RABGAP1L: variants seen among roughly 807,000 people sequenced by gnomAD.
The protein encoded by RABGAP1L is RAB GTPase activating protein 1 like.
In RABGAP1L, 63 loss-of-function variants were observed where a neutral mutation model predicts 137.7. The observed-to-expected ratio is 0.46, with a 90% CI of 0.37 to 0.56. The LOEUF is 0.56. RABGAP1L is among the 20% of genes least tolerant of loss of function. The pLI is 0.00. For missense variants in RABGAP1L, 1,095 were observed against 1,244.0 expected, an observed-to-expected ratio of 0.88 and a Z score of 1.80; for synonymous variants, 431 against 433.7, an observed-to-expected ratio of 0.99 and a Z score of 0.08.
At chr1:174,310,039 T>A (rs1202601791) in intron 11 of RABGAP1L, among the ~76,000 whole-genome samples, 1 of 152,142 alleles carries the variant, frequency 6.6e-6, no homozygotes, top group East Asian at 1.9e-4. Context: ...CCAGTGTTAT[T>A]ACTCATTATT....
At chr1:174,533,583 T>G (rs1024084272) in intron 13 of RABGAP1L, among the ~76,000 whole-genome samples, 6 of 152,222 alleles carry the variant, frequency 3.9e-5, no homozygotes, top group Non-Finnish European at 7.3e-5. Context: ...CTCTTCCTTA[T>G]GATTTTCTTA....
intron 11 of RABGAP1L, among the ~76,000 whole-genome samples, chr1:174,347,708 A>T (rs924094121): frequency 6.6e-6 from 1 of 152,044 alleles, no homozygotes; most frequent in African/African-American, 2.4e-5. Flanking sequence ...GTTAGCCAGG[A>T]TGGTCTCGAT....
intron 17 of RABGAP1L, among the ~76,000 whole-genome samples, chr1:174,734,444 GA>G (rs1682765405): frequency 2.0e-5 from 3 of 151,988 alleles, no homozygotes; most frequent in African/African-American, 7.3e-5. Flanking sequence ...AAATAAAAAG[GA>G]ACTGAAAAGA....
At chr1:174,848,659 C>A (rs1210243423) in intron 19 of RABGAP1L, among the ~76,000 whole-genome samples, 3 of 143,304 alleles carry the variant, frequency 2.1e-5, no homozygotes, top group Admixed American at 6.9e-5. Flanking sequence ...TTTAAGTCTG[C>A]AGAGGTTACT....
At position 174,509,595 on chromosome 1, in the gene RABGAP1L, C is replaced by T. The variant is rs115208163; in HGVS notation, c.1710+115450C>T. On this transcript the variant is annotated intron_variant, in intron 13 of 25. Transcript: ENST00000681986. ...AGTCCCATTTTTTCCCCCTGTAATC[C>T]ATGCCTTGGTAAACCTTTATTCCTA... Among the ~76,000 whole-genome samples the T allele has an allele frequency of 7.2e-3, 1,090 of 152,184 alleles. 11 individuals carry two copies. The highest frequency in any genetic ancestry group is 0.025 in the African/African-American group (1,038 of 41,548).
rs375268283 is a variant in RABGAP1L, at chr1:174,991,465, A to G, written c.*1464A>G. 7 of 152,230 alleles carry G rather than the reference A, an allele frequency of 4.6e-5. No individual in the cohort carries two copies. Among genetic ancestry groups the G allele is most frequent in the South Asian group, 2.1e-4 (1 of 4,830 alleles). 9.4% of individuals were successfully genotyped at this position (152,230 alleles called of 1,614,324 possible). ...AGTAACACACCCTTAGAAGAATCAA[A>G]TAAGAGCCATCTACATCCCAGGAGG... On this transcript the variant is annotated 3_prime_UTR_variant, in exon 26 of 26. Coordinates refer to ENST00000681986, the MANE Select transcript of RABGAP1L (RefSeq NM_001366446.1).
At chr1:174,200,527 A>G (rs1239558919) in intron 1 of RABGAP1L, among the ~76,000 whole-genome samples, 2 of 152,250 alleles carry the variant, frequency 1.3e-5, no homozygotes, top group Non-Finnish European at 2.9e-5. Flanking sequence ...ATATTTTACT[A>G]GAGTAGATTT....
chr1:174,841,478 T>A (rs1008936109), intron 19 of RABGAP1L, among the ~76,000 whole-genome samples: 21 of 152,150 alleles, frequency 1.4e-4, no homozygotes, highest in African/African-American at 4.8e-4. Flanking sequence ...GAGGCACTTA[T>A]CTTAATGAAG....
At chr1:174,533,964 G>A (rs909549463) in intron 13 of RABGAP1L, among the ~76,000 whole-genome samples, 2 of 152,104 alleles carry the variant, frequency 1.3e-5, no homozygotes, top group African/African-American at 4.8e-5. Flanking sequence ...GAGCTACCGC[G>A]CCCAGCCCAC....
At chr1:174,209,788 G>T (rs935901625) in intron 1 of RABGAP1L, among the ~76,000 whole-genome samples, 3 of 152,156 alleles carry the variant, frequency 2.0e-5, no homozygotes, top group African/African-American at 7.2e-5. Context: ...GCAGGCCTTT[G>T]GTGAGACACA....
chr1:174,981,548 A>ATTTTTTTTTT (rs1671109153), intron 23 of RABGAP1L, among the ~76,000 whole-genome samples: 1 of 67,362 alleles, frequency 1.5e-5, no homozygotes, highest in African/African-American at 6.5e-5. Flanking sequence ...CTGTTTTTCC[A>ATTTTTTTTTT]TCTTTTTTTT....
In RABGAP1L at chr1:174,757,371, C is replaced by G. The variant is rs559422135; in HGVS notation, c.2211+5017C>G. Among the ~76,000 whole-genome samples the G allele has an allele frequency of 8.5e-5, 13 of 152,128 alleles. No homozygotes were observed. The South Asian group carries it at 2.7e-3, about 32-fold the overall frequency. ...GGGTAAATTTCTAGAGATGGAATTG[C>G]TAGGTCAAACTGTAACCAAATTTTA... On this transcript the variant is annotated intron_variant, in intron 18 of 25. Coordinates refer to ENST00000681986, the MANE Select transcript of RABGAP1L (RefSeq NM_001366446.1).
intron 1 of RABGAP1L, among the ~76,000 whole-genome samples, chr1:174,203,691 C>A (rs995020934): frequency 6.6e-6 from 1 of 152,120 alleles, no homozygotes; most frequent in Non-Finnish European, 1.5e-5. Flanking sequence ...TTGCTTTAGG[C>A]AGTTTGGCCA....
intron 13 of RABGAP1L, among the ~76,000 whole-genome samples, chr1:174,492,176 CTTT>C (rs756360090): frequency 0.026 from 3,169 of 119,930 alleles, 106 homozygotes; most frequent in African/African-American, 0.097. Context: ...TGTCGAATTA[CTTT>C]TTTTTTTTTT....
chr1:174,904,882 G>A (rs1419510740), intron 19 of RABGAP1L, among the ~76,000 whole-genome samples: 4 of 152,112 alleles, frequency 2.6e-5, no homozygotes, highest in African/African-American at 9.7e-5. Flanking sequence ...AAACTCCTGG[G>A]CACAAGGTAT....
chr1:174,242,243 T>C lies in RABGAP1L; in HGVS notation c.717+586T>C, dbSNP rs532398547. Among the ~76,000 whole-genome samples, 61 of 152,366 alleles carry C rather than the reference T, an allele frequency of 4.0e-4. 1 individual carries two copies. The highest frequency in any genetic ancestry group is 3.9e-4 in the East Asian group (2 of 5,190). ...CTTTGAAAATGCTAGTAAGTTTTTTTATAGAAATTACTAATTGGTAGATTA... is the reference window on the plus strand; with the variant it reads ...CTTTGAAAATGCTAGTAAGTTTTTTCATAGAAATTACTAATTGGTAGATTA... On this transcript the variant is annotated intron_variant, in intron 5 of 25. Coordinates refer to ENST00000681986, the MANE Select transcript of RABGAP1L (RefSeq NM_001366446.1).
At chr1:174,696,404 C>G (rs570009708) in intron 15 of RABGAP1L, among the ~76,000 whole-genome samples, 3 of 152,090 alleles carry the variant, frequency 2.0e-5, no homozygotes, top group South Asian at 2.1e-4. Context: ...TATTTGATCC[C>G]TTGGCTACCC....
At chr1:174,726,750 C>T (rs867804760) in intron 17 of RABGAP1L, among the ~76,000 whole-genome samples, 63 of 152,184 alleles carry the variant, frequency 4.1e-4, no homozygotes, top group African/African-American at 1.5e-3. Context: ...TGAAGCACTA[C>T]ACATAATAGA....
chr1:174,902,291 A>C (rs2149162772), intron 19 of RABGAP1L, among the ~76,000 whole-genome samples: 1 of 152,266 alleles, frequency 6.6e-6, no homozygotes, highest in Non-Finnish European at 1.5e-5. Flanking sequence ...AGAGCAGCTG[A>C]CTTGACTGAA....
Sources: gnomAD v4.1 joint callset for allele counts (sites outside exome capture counted in the v4.1 genomes callset) on GRCh38, gnomAD v4.1.1 for gene constraint, MANE v1.5 for transcripts, NCBI Gene and HGNC (gene_info 2026-07-23, HGNC 2026-07-21) for gene names.